Variants in MARCHF1 observed in about 807,000 individuals in gnomAD.
MARCHF1 encodes the protein E3 ubiquitin-protein ligase MARCHF1.
Under a neutral mutation model 54.2 loss-of-function variants are expected in MARCHF1, and 40 were observed. The observed-to-expected ratio is 0.74, with a 90% CI of 0.57 to 0.96. The LOEUF (loss-of-function observed/expected upper bound fraction) is 0.96. Among genes scored for constraint, MARCHF1 ranks in the 40% least tolerant of loss-of-function variants. The pLI, the probability that MARCHF1 is intolerant of heterozygous loss-of-function variation, is 0.00. For missense variants in MARCHF1, 586 were observed against 656.5 expected (o/e 0.89, Z 1.17); for synonymous variants, 236 against 236.3 (o/e 1.00, Z 0.01).
At chr4:164,382,260 G>GA (rs1195155395) in intron 1 of MARCHF1, among the ~76,000 whole-genome samples, 2 of 151,922 alleles carry the variant, frequency 1.3e-5, no homozygotes, top group African/African-American at 4.8e-5. Flanking sequence ...CAATCACTAA[G>GA]AAAAATTATT....
At chr4:164,078,506 A>G (rs1385902066) in intron 2 of MARCHF1, among the ~76,000 whole-genome samples, 1 of 151,044 alleles carries the variant, frequency 6.6e-6, no homozygotes, top group African/African-American at 2.4e-5. Context: ...CTGCACATGT[A>G]CCCCAGAACT....
At chr4:164,164,289 C>A (rs570849908) in intron 1 of MARCHF1, among the ~76,000 whole-genome samples, 2 of 151,722 alleles carry the variant, frequency 1.3e-5, no homozygotes, top group Non-Finnish European at 2.9e-5. Flanking sequence ...AAGCCATAGA[C>A]CAAAAGTTAG....
chr4:164,375,608 C>T (rs1413325547), intron 1 of MARCHF1, among the ~76,000 whole-genome samples: 1 of 152,156 alleles, frequency 6.6e-6, no homozygotes, highest in African/African-American at 2.4e-5. Flanking sequence ...CAGATTCATA[C>T]ATTTCTTTTT....
chr4:164,336,581 C>T (rs1242849162), intron 1 of MARCHF1, among the ~76,000 whole-genome samples: 2 of 152,136 alleles, frequency 1.3e-5, no homozygotes, highest in Non-Finnish European at 2.9e-5. Flanking sequence ...TACCTTCTTT[C>T]ACAGTAGGAG....
At chr4:163,748,210 C>A (rs191699329) in intron 4 of MARCHF1, among the ~76,000 whole-genome samples, 82 of 152,256 alleles carry the variant, frequency 5.4e-4, no homozygotes, top group African/African-American at 1.7e-3. Context: ...TCTACAGAAC[C>A]TTCTGATCTT....
At chr4:164,252,481 G>C (rs149479009) in intron 1 of MARCHF1, among the ~76,000 whole-genome samples, 404 of 152,138 alleles carry the variant, frequency 2.7e-3, no homozygotes, top group African/African-American at 9.4e-3. Context: ...CTTTCTAAAG[G>C]CTCCTCCCTC....
intron 2 of MARCHF1, among the ~76,000 whole-genome samples, chr4:164,107,723 A>C (rs983661301): frequency 6.6e-6 from 1 of 152,152 alleles, no homozygotes; most frequent in East Asian, 1.9e-4. Flanking sequence ...TCACTTAAAA[A>C]TTCACTTTTA....
intron 4 of MARCHF1, among the ~76,000 whole-genome samples, chr4:163,831,940 G>A: frequency 6.6e-6 from 1 of 152,188 alleles, no homozygotes; most frequent in East Asian, 1.9e-4. Flanking sequence ...TTGTGTTATA[G>A]AGAGTGGCAG....
chr4:163,534,121 C>T (rs1400594978), intron 9 of MARCHF1, among the ~76,000 whole-genome samples: 1 of 152,014 alleles, frequency 6.6e-6, no homozygotes, highest in African/African-American at 2.4e-5. Flanking sequence ...GTGCCGCGCT[C>T]TTTACAATAA....
At chr4:163,775,406 T>A (rs920158604) in intron 4 of MARCHF1, among the ~76,000 whole-genome samples, 1 of 152,180 alleles carries the variant, frequency 6.6e-6, no homozygotes, top group Non-Finnish European at 1.5e-5. Context: ...AGAATAGGAC[T>A]TTTTGCTTGG....
At chr4:164,148,957 C>T (rs943029363) in intron 1 of MARCHF1, among the ~76,000 whole-genome samples, 2 of 152,078 alleles carry the variant, frequency 1.3e-5, no homozygotes, top group African/African-American at 4.8e-5. Flanking sequence ...GAAAGATAAC[C>T]TCCAATGTTG....
intron 1 of MARCHF1, among the ~76,000 whole-genome samples, chr4:164,146,703 C>A (rs1350773317): frequency 1.3e-5 from 2 of 152,052 alleles, no homozygotes; most frequent in Non-Finnish European, 2.9e-5. Flanking sequence ...AACATTAGAC[C>A]TAAAACTATA....
At chr4:163,591,894 G>T (rs867771057) in intron 7 of MARCHF1, among the ~76,000 whole-genome samples, 2 of 152,144 alleles carry the variant, frequency 1.3e-5, no homozygotes, top group Non-Finnish European at 2.9e-5. Flanking sequence ...AAACTGATCT[G>T]CAGTGGAAAG....
chr4:164,228,814 C>G (rs565034365), intron 1 of MARCHF1, among the ~76,000 whole-genome samples: 37 of 152,170 alleles, frequency 2.4e-4, no homozygotes, highest in Non-Finnish European at 4.9e-4. Flanking sequence ...GTTTCTAGGA[C>G]CAGTGGACCA....
chr4:164,280,530 T>A (rs969718967), intron 1 of MARCHF1, among the ~76,000 whole-genome samples: 4 of 152,084 alleles, frequency 2.6e-5, no homozygotes, highest in Non-Finnish European at 4.4e-5. Context: ...TAACATTGAT[T>A]CCTACCTTGT....
At chr4:163,833,244 C>A (rs571840890) in intron 4 of MARCHF1, among the ~76,000 whole-genome samples, 5 of 152,280 alleles carry the variant, frequency 3.3e-5, no homozygotes, top group African/African-American at 9.6e-5. Flanking sequence ...ACATCCTCTC[C>A]AGCACCTGTT....
chr4:163,865,319 G>A (rs901266009), intron 3 of MARCHF1, among the ~76,000 whole-genome samples: 1 of 151,768 alleles, frequency 6.6e-6, no homozygotes, highest in Non-Finnish European at 1.5e-5. Context: ...AATATAATAA[G>A]TTTAGCAAGG....
intron 7 of MARCHF1, among the ~76,000 whole-genome samples, chr4:163,595,891 A>C (rs1740752118): frequency 6.6e-6 from 1 of 152,074 alleles, no homozygotes; most frequent in Non-Finnish European, 1.5e-5. Flanking sequence ...ATTTATTAAA[A>C]AGGTAAATCT....
chr4:163,861,914 TC>T (rs2111193173), intron 3 of MARCHF1, among the ~76,000 whole-genome samples: 1 of 152,120 alleles, frequency 6.6e-6, no homozygotes, highest in East Asian at 1.9e-4. Flanking sequence ...AGAAATAGAC[TC>T]ATGAATAGAG....
Sources: allele counts gnomAD v4.1 joint callset (sites outside exome capture counted in the v4.1 genomes callset), GRCh38; gene constraint gnomAD v4.1.1; transcripts MANE v1.5; gene names NCBI Gene and HGNC (gene_info 2026-07-23, HGNC 2026-07-21).